Variants in GCAT observed in about 807,000 individuals in gnomAD.
The protein encoded by GCAT is glycine C-acetyltransferase, also known as 2-amino-3-ketobutyrate coenzyme A ligase, mitochondrial.
Under a neutral mutation model 39.7 loss-of-function variants are expected in GCAT, and 26 were observed. That is an observed-to-expected ratio of 0.65 (90% CI 0.48 to 0.91). The LOEUF (loss-of-function observed/expected upper bound fraction) is 0.91. GCAT is among the 40% of genes least tolerant of loss of function. The pLI is 0.00. For synonymous variants in GCAT, 218 were observed against 237.2 expected (o/e 0.92, Z 0.74); for missense variants, 550 against 576.2 (o/e 0.95, Z 0.47).
At chr22:37,813,063 G>A (rs1921772292) in intron 3 of GCAT, 75 bp downstream of exon 3, 9 of 1,037,196 alleles carry the variant, frequency 8.7e-6, no homozygotes, top group South Asian at 7.6e-5. Flanking sequence ...GTGGGCAGTC[G>A]GGAGAACCTA....
intron 3 of GCAT, 99 bp downstream of exon 3, chr22:37,813,087 C>A: frequency 2.3e-6 from 2 of 877,284 alleles, no homozygotes; most frequent in Non-Finnish European, 3.8e-6. Context: ...GGATTCAGTG[C>A]CATGCCTAGA....
At chr22:37,813,779 TC>T (rs942869615) in intron 4 of GCAT, among the ~76,000 whole-genome samples, 170 bp downstream of exon 4, 2 of 151,838 alleles carry the variant, frequency 1.3e-5, no homozygotes, top group East Asian at 3.9e-4. Flanking sequence ...TTTTTTTTTT[TC>T]CCTGAGACAG....
chr22:37,813,834 C>T (rs928603432), intron 4 of GCAT, among the ~76,000 whole-genome samples: 6 of 150,846 alleles, frequency 4.0e-5, no homozygotes, highest in East Asian at 1.9e-4. Context: ...GGTGTGATCT[C>T]GGCTCACTGC....
At chr22:37,816,518 G>GC in intron 8 of GCAT, 49 bp from the exon 9 acceptor site, 2 of 1,606,252 alleles carry the variant, frequency 1.2e-6, no homozygotes, top group South Asian at 2.2e-5. Context: ...TCTGTGTTCT[G>GC]CCCCCAAGCC....
At chr22:37,815,534 G>A in intron 6 of GCAT, 34 bp downstream of exon 6, 1 of 1,574,484 alleles carries the variant, frequency 6.4e-7, no homozygotes, top group Non-Finnish European at 8.7e-7. Flanking sequence ...GGGTCCCCTT[G>A]TCCTTTTGAA....
At chr22:37,812,529 C>G (rs980903969) in intron 2 of GCAT, among the ~76,000 whole-genome samples, 1 of 152,270 alleles carries the variant, frequency 6.6e-6, no homozygotes, top group African/African-American at 2.4e-5. Flanking sequence ...CCAGGTGAAC[C>G]CAGAATTACC....
chr22:37,814,932 G>C (rs762107787), intron 4 of GCAT, among the ~76,000 whole-genome samples, 194 bp from the exon 5 acceptor site: 6 of 152,218 alleles, frequency 3.9e-5, no homozygotes, highest in Admixed American at 6.5e-5. Flanking sequence ...CCAGAGCTCA[G>C]GGTGGAGATG....
At chr22:37,809,403 C>G (rs1921323593) in intron 1 of GCAT, among the ~76,000 whole-genome samples, 1 of 152,174 alleles carries the variant, frequency 6.6e-6, no homozygotes, top group Non-Finnish European at 1.5e-5. Flanking sequence ...GCGTCTGATC[C>G]AGCCCTCTTC....
rs1183598001 is a variant in GCAT at position 37,815,407 on chromosome 22, T to G, written c.732-11T>G. 1.2e-6 allele frequency: 2 copies of G among 1,608,540 alleles called. No individual in the cohort carries two copies. Among genetic ancestry groups the G allele is most frequent in the South Asian group, 2.2e-5 (2 of 90,194 alleles). ...GGAGGCCAGTGACAGCAGCGGTGGC[T>G]TCCCTTGCAGGGGCACAGATGAGCT... On this transcript the variant is annotated splice_polypyrimidine_tract_variant and intron_variant, in intron 5 of 8. Coordinates refer to ENST00000248924, the MANE Select transcript of GCAT (RefSeq NM_014291.4).
At chr22:37,810,512 A>ATTTTTTTTTTTT (rs36110853) in intron 2 of GCAT, among the ~76,000 whole-genome samples, 1 of 103,074 alleles carries the variant, frequency 9.7e-6, no homozygotes, top group South Asian at 3.3e-4. Context: ...CACCCAGCTA[A>ATTTTTTTTTTTT]TTTTTTTTTT....
chr22:37,813,547 C>T lies in GCAT; in HGVS notation c.514C>T (p.His172Tyr), dbSNP rs765485148. ...CGACGGCATCCGGCTGTGCAAGGCC[C>T]ACAAGTACCGCTATCGCCACCTGGA... ...IIDGIRLCKAHKYRYRHLDMA... is the reference protein window; with the variant it reads ...IIDGIRLCKAYKYRYRHLDMA... Residue 172 changes from histidine (H) to tyrosine (Y), a missense_variant, in exon 4 of 9, where the codon CAC (histidine) becomes TAC (tyrosine). Around this residue, in one of 3 missense-constraint regions of GCAT, gnomAD observed 378 missense variants for 390.4 expected, o/e 0.97. Coordinates refer to ENST00000248924, the MANE Select transcript of GCAT (RefSeq NM_014291.4). The T allele has an allele frequency of 3.1e-6, 5 of 1,613,730 alleles. No individual in the cohort carries two copies. The highest frequency in any genetic ancestry group is 4.2e-6 in the Non-Finnish European group (5 of 1,180,018).
Position 37,815,665 on chromosome 22 carries a change from G to A in GCAT, c.817G>A (p.Gly273Ser), listed in dbSNP as rs778468489. 6.2e-7 allele frequency: 1 copy of A among 1,609,578 alleles called. No homozygotes were observed. The change falls in exon 7 of 9, where the codon GGC becomes AGC. Residue 273 changes from glycine (G) to serine (S), a missense_variant and splice_region_variant. Transcript: ENST00000248924. ...CCCACCTCTTCCCTTCTTCTCAGGG[G>A]GCTACACGACAGGGCCTGGGCCCCT... ...LGKALGGASG[G>S]YTTGPGPLVS... is the part of the protein sequence containing the mutation.
At chr22:37,809,115 T>C (rs1457101374) in intron 1 of GCAT, among the ~76,000 whole-genome samples, 2 of 152,252 alleles carry the variant, frequency 1.3e-5, no homozygotes, top group Non-Finnish European at 2.9e-5. Flanking sequence ...CCCTTGGTGC[T>C]GTTGCACTCA....
At chr22:37,813,971 G>A (rs1921891336) in intron 4 of GCAT, among the ~76,000 whole-genome samples, 1 of 152,042 alleles carries the variant, frequency 6.6e-6, no homozygotes, top group South Asian at 2.1e-4. Context: ...TCATCATGTT[G>A]TCCAGGCTGG....
At chr22:37,810,823 A>G (rs1441529833) in intron 2 of GCAT, among the ~76,000 whole-genome samples, 3 of 151,686 alleles carry the variant, frequency 2.0e-5, no homozygotes, top group Non-Finnish European at 2.9e-5. Context: ...CCTAATTTTT[A>G]TATGTTTAGT....
chr22:37,815,277 G>C lies in GCAT; in HGVS notation c.728G>C (p.Gly243Ala). 6.2e-7 allele frequency: 1 copy of C among 1,613,394 alleles called. No individual in the cohort carries two copies. The highest frequency in any genetic ancestry group is 1.1e-5 in the South Asian group (1 of 90,956). ...CHATGFLGPT[G>A]RGTDELLGVM... ...GCCACTGGCTTCCTGGGGCCCACAG[G>C]ACGGTGGGACCATGTGGCACCTGAG... The change falls in exon 5 of 9, where the codon GGA becomes GCA. Residue 243 changes from glycine to alanine, a missense_variant. By Grantham distance (60) the Gly-to-Ala change is moderately conservative. Coordinates refer to ENST00000248924, the MANE Select transcript of GCAT (RefSeq NM_014291.4).
intron 2 of GCAT, among the ~76,000 whole-genome samples, chr22:37,811,205 G>A (rs1469957396): frequency 6.6e-6 from 1 of 152,088 alleles, no homozygotes; most frequent in South Asian, 2.1e-4. Flanking sequence ...AGAATAGGCC[G>A]GGCGCAGTGG....
At chr22:37,808,479 G>A (rs189849528) in intron 1 of GCAT, among the ~76,000 whole-genome samples, 1 of 152,320 alleles carries the variant, frequency 6.6e-6, no homozygotes, top group Non-Finnish European at 1.5e-5. Flanking sequence ...TACAAACGAA[G>A]AGGCTGAAAT....
In GCAT at chr22:37,816,678, C is replaced by A; in HGVS notation, c.1220C>A (p.Ala407Asp). ...SEEDIDRCVE[A>D]FVEVGRLHGA... ...GAAGACATTGACCGCTGCGTGGAGG[C>A]CTTCGTGGAAGTGGGGCGACTGCAC... The change falls in exon 9 of 9, where the codon GCC (alanine) becomes GAC (aspartate). Residue 407 changes from alanine (A) to aspartate (D), a missense_variant. By Grantham distance (126) the Ala-to-Asp change is moderately radical. This residue lies in a region of GCAT where 378 missense variants were observed against 390.4 expected (regional missense o/e 0.97). Coordinates refer to ENST00000248924, the MANE Select transcript of GCAT (RefSeq NM_014291.4). The A allele has an allele frequency of 1.2e-6, 2 of 1,614,100 alleles. No individual in the cohort carries two copies. Among genetic ancestry groups the A allele is most frequent in the Non-Finnish European group, 1.7e-6 (2 of 1,180,026 alleles).
Sources: allele counts gnomAD v4.1 joint callset (sites outside exome capture counted in the v4.1 genomes callset), GRCh38; gene constraint gnomAD v4.1.1; regional missense constraint gnomAD v4.1.1; transcripts MANE v1.5; gene names NCBI Gene and HGNC (gene_info 2026-07-23, HGNC 2026-07-21).